The following NRXN1 variants were observed in gnomAD, a reference collection of about 807,000 sequenced individuals.
The protein encoded by NRXN1 is neurexin-1.
In NRXN1, 39 loss-of-function variants were observed where a neutral mutation model predicts 150.9. That is an observed-to-expected ratio of 0.26 (90% CI 0.20 to 0.34). The LOEUF is 0.34. Ranked by LOEUF, NRXN1 falls within the 10% of genes least tolerant of loss-of-function variation. The pLI, the probability that NRXN1 is intolerant of heterozygous loss-of-function variation, is 1.00. For missense variants in NRXN1, 1,815 were observed against 1,949.9 expected, an observed-to-expected ratio of 0.93 and a Z score of 1.30; for synonymous variants, 924 against 757.0, an observed-to-expected ratio of 1.22 and a Z score of -3.62.
chr2:50,683,191 C>T (rs1049517325), intron 5 of NRXN1, among the ~76,000 whole-genome samples: 15 of 151,926 alleles, frequency 9.9e-5, no homozygotes, highest in African/African-American at 1.7e-4. Context: ...TTATTGCTGA[C>T]GGTATTTTAA....
intron 21 of NRXN1, among the ~76,000 whole-genome samples, chr2:49,969,490 A>G (rs1046618369): frequency 6.6e-6 from 1 of 152,016 alleles, no homozygotes; most frequent in Non-Finnish European, 1.5e-5. Flanking sequence ...CTGACAATAA[A>G]ATGGTTTTGA....
At chr2:50,924,365 A>G (rs1686540511) in intron 3 of NRXN1, among the ~76,000 whole-genome samples, 1 of 149,874 alleles carries the variant, frequency 6.7e-6, no homozygotes, top group Admixed American at 6.7e-5. Context: ...TTATGGGCCT[A>G]TATTCTAAAA....
At chr2:50,642,779 G>C (rs868075370) in intron 5 of NRXN1, among the ~76,000 whole-genome samples, 23 of 151,894 alleles carry the variant, frequency 1.5e-4, no homozygotes, top group African/African-American at 5.1e-4. Context: ...TTCAGGTTTA[G>C]TATATAGGAG....
intron 18 of NRXN1, among the ~76,000 whole-genome samples, chr2:50,151,866 T>A (rs2058717381): frequency 6.6e-6 from 1 of 151,572 alleles, no homozygotes; most frequent in South Asian, 2.1e-4. Context: ...AATAGGCAAA[T>A]AAAGCAAACA....
At chr2:50,838,563 T>A (rs527777647) in intron 5 of NRXN1, among the ~76,000 whole-genome samples, 1 of 152,072 alleles carries the variant, frequency 6.6e-6, no homozygotes, top group Non-Finnish European at 1.5e-5. Context: ...AATGAGGTCA[T>A]TTGTGTGGGC....
chr2:50,326,347 G>C (rs914083363), intron 17 of NRXN1, among the ~76,000 whole-genome samples: 2 of 152,130 alleles, frequency 1.3e-5, no homozygotes, highest in Non-Finnish European at 2.9e-5. Flanking sequence ...TCCCTCAGCT[G>C]TTTATTGAAA....
chr2:50,978,931 T>C (rs1309766370), intron 2 of NRXN1, among the ~76,000 whole-genome samples: 1 of 152,078 alleles, frequency 6.6e-6, no homozygotes, highest in Non-Finnish European at 1.5e-5. Flanking sequence ...GTAATTGTTG[T>C]TTTTAAATGT....
chr2:49,952,573 A>G (rs1002332234), intron 21 of NRXN1, among the ~76,000 whole-genome samples: 4 of 152,130 alleles, frequency 2.6e-5, no homozygotes, highest in African/African-American at 9.6e-5. Flanking sequence ...CTTACATACC[A>G]TGCCCTCAGT....
chr2:50,107,461 T>A (rs138983758), intron 18 of NRXN1, among the ~76,000 whole-genome samples: 1,998 of 149,728 alleles, frequency 0.013, 45 homozygotes, highest in African/African-American at 0.046. Flanking sequence ...TTCCACTTCT[T>A]ACTTTTTTTA....
intron 17 of NRXN1, among the ~76,000 whole-genome samples, chr2:50,313,477 G>T (rs1056903619): frequency 6.6e-6 from 1 of 152,230 alleles, no homozygotes; most frequent in Middle Eastern, 3.4e-3. Context: ...TGCCATGAAA[G>T]CTGTGAGCCC....
intron 22 of NRXN1, among the ~76,000 whole-genome samples, chr2:49,927,037 C>T (rs1047034256): frequency 6.6e-6 from 1 of 152,170 alleles, no homozygotes; most frequent in Non-Finnish European, 1.5e-5. Context: ...GCCCTCCCCA[C>T]CCCCAGGTAA....
intron 5 of NRXN1, among the ~76,000 whole-genome samples, chr2:50,673,778 A>G (rs1048691827): frequency 1.3e-5 from 2 of 152,122 alleles, no homozygotes; most frequent in African/African-American, 2.4e-5. Context: ...GGTCTATTTT[A>G]CTTAGTAGGA....
At chr2:49,965,643 T>A (rs748575858) in intron 21 of NRXN1, among the ~76,000 whole-genome samples, 1 of 152,178 alleles carries the variant, frequency 6.6e-6, no homozygotes. Flanking sequence ...TACTATAGAC[T>A]TTCACACTGA....
At chr2:50,243,587 A>C (rs1025331313) in intron 17 of NRXN1, among the ~76,000 whole-genome samples, 1 of 151,852 alleles carries the variant, frequency 6.6e-6, no homozygotes, top group East Asian at 1.9e-4. Context: ...TCCACACACT[A>C]TTCCACCAAA....
At position 50,497,846 on chromosome 2, in the gene NRXN1, A is replaced by T. The variant is rs1034422645; in HGVS notation, c.2498-132T>A. ...CCTTGGTACTCAGTTGCATATAGGA[A>T]GAACACTTAAATGATGCCAAAAGGT... On this transcript the variant is annotated intron_variant, in intron 13 of 22. Coordinates refer to ENST00000401669, the MANE Select transcript of NRXN1 (RefSeq NM_001330078.2). The T allele has an allele frequency of 1.0e-4, 73 of 731,660 alleles. No individual in the cohort carries two copies. In the African/African-American group the frequency reaches 1.2e-3, roughly 12 times the overall value. The allele number at this position is 731,660 out of a possible 1,614,324, so 45.3% of individuals were successfully genotyped here. A position where few individuals can be genotyped will look rare whatever the true frequency, so the allele number is the denominator to read the frequency against.
chr2:50,913,842 A>T (rs1684856411), intron 5 of NRXN1, among the ~76,000 whole-genome samples: 1 of 151,742 alleles, frequency 6.6e-6, no homozygotes, highest in Non-Finnish European at 1.5e-5. Flanking sequence ...ATACATCCCG[A>T]AAATGGTAGC....
chr2:50,022,097 C>T (rs1282085399), intron 21 of NRXN1, among the ~76,000 whole-genome samples: 1 of 149,532 alleles, frequency 6.7e-6, no homozygotes, highest in Non-Finnish European at 1.5e-5. Context: ...GATCTGCCCA[C>T]CTCAGCCTCC....
At chr2:50,911,946 G>A (rs934973421) in intron 5 of NRXN1, among the ~76,000 whole-genome samples, 3 of 151,786 alleles carry the variant, frequency 2.0e-5, no homozygotes, top group African/African-American at 4.8e-5. Flanking sequence ...AGATCTAATA[G>A]AATAACTACA....
chr2:50,566,404 C>G (rs1669849419), intron 8 of NRXN1, among the ~76,000 whole-genome samples: 1 of 129,086 alleles, frequency 7.7e-6, no homozygotes, highest in Admixed American at 8.3e-5. Flanking sequence ...CCACCACGCC[C>G]AGCTATTTTT....
Sources: allele counts gnomAD v4.1 joint callset (sites outside exome capture counted in the v4.1 genomes callset), GRCh38; gene constraint gnomAD v4.1.1; transcripts MANE v1.5; gene names NCBI Gene and HGNC (gene_info 2026-07-23, HGNC 2026-07-21).